The following GCNA variants were observed in gnomAD, a reference collection of about 807,000 sequenced individuals.
GCNA encodes germ cell nuclear acidic peptidase, also known as germ cell nuclear acidic protein.
Under a neutral mutation model 38.8 loss-of-function variants are expected in GCNA, and 3 were observed. The ratio of observed to expected loss-of-function variants is 0.08; its 90% confidence interval spans 0.04 to 0.20. The LOEUF is 0.20. GCNA is among the 10% of genes least tolerant of loss of function. The pLI, the probability that GCNA is intolerant of heterozygous loss-of-function variation, is 1.00. For synonymous variants in GCNA, 195 were observed against 240.2 expected, an observed-to-expected ratio of 0.81 and a Z score of 1.74; for missense variants, 446 against 578.6, an observed-to-expected ratio of 0.77 and a Z score of 2.35.
intron 2 of GCNA, among the ~76,000 whole-genome samples, chrX:71,590,073 C>T (rs1013564459): frequency 5.4e-5 from 6 of 111,399 alleles, no homozygotes; most frequent in Admixed American, 4.8e-4. Context: ...CAGCCACCTG[C>T]GTATATTTTC....
intron 7 of GCNA, among the ~76,000 whole-genome samples, chrX:71,600,680 A>G (rs768966234): frequency 8.9e-6 from 1 of 112,060 alleles, no homozygotes; most frequent in South Asian, 3.7e-4. Context: ...TTTTTAAAAA[A>G]TAATTTTTCA....
At chrX:71,580,905 C>G (rs1455460985) in intron 2 of GCNA, 25 bp downstream of exon 2, 1 of 1,174,416 alleles carries the variant, frequency 8.5e-7, no homozygotes, top group East Asian at 3.1e-5. Flanking sequence ...GTTCTGTTTT[C>G]TTTTAGTTTA....
intron 2 of GCNA, among the ~76,000 whole-genome samples, chrX:71,589,894 C>T (rs1448384981): frequency 9.1e-6 from 1 of 110,365 alleles, no homozygotes; most frequent in Non-Finnish European, 1.9e-5. Flanking sequence ...CTCACTGCAG[C>T]CCCGACCTCT....
chrX:71,594,211 C>T (rs2040652416), intron 4 of GCNA, 120 bp from the exon 5 acceptor site: 1 of 620,749 alleles, frequency 1.6e-6, no homozygotes, highest in African/African-American at 2.3e-5. Context: ...CCCTTAAAAC[C>T]TTTTTGCATT....
chrX:71,600,640 T>C (rs780473859), intron 7 of GCNA, among the ~76,000 whole-genome samples: 1 of 111,836 alleles, frequency 8.9e-6, no homozygotes, highest in South Asian at 3.7e-4. Context: ...AAATAAAAAA[T>C]AGGGGAAAAA....
chrX:71,579,640 C>T (rs1290783192), intron 1 of GCNA, among the ~76,000 whole-genome samples: 1 of 104,693 alleles, frequency 9.6e-6, no homozygotes, highest in Non-Finnish European at 2.0e-5. Context: ...GGGTTGAGGT[C>T]TCTTTGGCTG....
Position 71,612,971 on chromosome X carries a change from C to T in GCNA, c.2065C>T (p.Pro689Ser), listed in dbSNP as rs1046822435. 6.6e-6 allele frequency: 8 copies of T among 1,211,383 alleles called. No individual in the cohort carries two copies. Among genetic ancestry groups the T allele is most frequent in the Non-Finnish European group, 8.9e-6 (8 of 895,396 alleles). The change falls in exon 13 of 13, where the codon CCC (proline) becomes TCC (serine). Residue 689 changes from proline (P) to serine (S), a missense_variant. Transcript: ENST00000373696. ...TCAGAAAGATGGGACCCGTATTGTG[C>T]CCCACGTGTGACCATTTGCTGTGTA... ...LTQKDGTRIV[P>S]HV
intron 2 of GCNA, among the ~76,000 whole-genome samples, chrX:71,589,835 G>C (rs1055957473): frequency 9.1e-6 from 1 of 109,474 alleles, no homozygotes; most frequent in African/African-American, 3.3e-5. Flanking sequence ...TTTTAAGACA[G>C]GGTCTCACTC....
rs762681550 is a variant in GCNA at position 71,588,955 on chromosome X, A to G, written c.60-3167A>G. ...CAGTGATGCCATCATAGCTCATTGCAGCCTCGAACTCTTGGGCTCAAGGGA... is the reference window on the plus strand; with the variant it reads ...CAGTGATGCCATCATAGCTCATTGCGGCCTCGAACTCTTGGGCTCAAGGGA... On this transcript the variant is annotated intron_variant, in intron 2 of 12. Coordinates refer to ENST00000373696, the MANE Select transcript of GCNA (RefSeq NM_052957.5). Among the ~76,000 whole-genome samples, 8 of 103,251 alleles carry G rather than the reference A, an allele frequency of 7.7e-5. No homozygotes were observed. In the South Asian group the frequency reaches 3.5e-3, roughly 46 times the overall value. 89.7% of individuals were successfully genotyped at this position (103,251 alleles called of 115,157 possible). A position where few individuals can be genotyped will look rare whatever the true frequency, so the allele number is the denominator to read the frequency against.
intron 7 of GCNA, among the ~76,000 whole-genome samples, chrX:71,600,628 T>C (rs1054468715): frequency 8.9e-6 from 1 of 111,970 alleles, no homozygotes; most frequent in Non-Finnish European, 1.9e-5. Context: ...CTGCTCTCAG[T>C]GAAATAAAAA....
At chrX:71,609,553 G>A (rs757288240) in intron 10 of GCNA, among the ~76,000 whole-genome samples, 3 of 112,169 alleles carry the variant, frequency 2.7e-5, no homozygotes, top group Non-Finnish European at 5.6e-5. Flanking sequence ...TCTGTAAAAT[G>A]GGGACAACAC....
At chrX:71,598,318 G>A (rs772555601) in intron 7 of GCNA, among the ~76,000 whole-genome samples, 23 of 111,566 alleles carry the variant, frequency 2.1e-4, no homozygotes, top group African/African-American at 7.5e-4. Flanking sequence ...AGCGGGGTAG[G>A]GGTGGTGGGT....
rs767117025 is a variant in GCNA at position 71,589,189 on chromosome X, A to T, written c.60-2933A>T. ...GTTTTTGAGGTTTGTTTTTTTTTTT[A>T]AATGTATCTTTAAAGCCTTCCAATG... On this transcript the variant is annotated intron_variant, in intron 2 of 12. Transcript: ENST00000373696. 1.9e-4 allele frequency among the ~76,000 whole-genome samples: 21 copies of T among 108,357 alleles called. No homozygotes were observed. The East Asian group carries it at 3.2e-3, about 16-fold the overall frequency. 94.1% of individuals were successfully genotyped at this position (108,357 alleles called of 115,157 possible).
At chrX:71,597,571 C>T (rs2040681059) in intron 6 of GCNA, among the ~76,000 whole-genome samples, 1 of 111,322 alleles carries the variant, frequency 9.0e-6, no homozygotes, top group Non-Finnish European at 1.9e-5. Flanking sequence ...CCATCTGTGG[C>T]CCTCTACCCT....
At chrX:71,604,824 GCAA>G in intron 8 of GCNA, 148 bp downstream of exon 8, 1 of 811,919 alleles carries the variant, frequency 1.2e-6, no homozygotes, top group African/African-American at 2.1e-5. Context: ...CCATCCCAGT[GCAA>G]GGATGGTTCT....
intron 11 of GCNA, among the ~76,000 whole-genome samples, chrX:71,612,110 TAAA>T: frequency 1.3e-5 from 1 of 77,437 alleles, no homozygotes; most frequent in Admixed American, 1.4e-4. Context: ...CCGTCTCTAC[TAAA>T]AAAAAAAAAA....
Position 71,595,874 on chromosome X carries a change from G to A in GCNA, c.221+1095G>A, listed in dbSNP as rs753405014. 3.6e-5 allele frequency among the ~76,000 whole-genome samples: 4 copies of A among 112,053 alleles called. No homozygotes were observed. In the South Asian group the frequency reaches 1.5e-3, roughly 41 times the overall value. On this transcript the variant is annotated intron_variant, in intron 6 of 12. Transcript: ENST00000373696. Reference sequence around the variant, plus strand: ...TATCTCTATTGAGTATTTTCATAACGTGTAAGCCACCAACTCCTGACACCA... The same window carrying A: ...TATCTCTATTGAGTATTTTCATAACATGTAAGCCACCAACTCCTGACACCA...
At chrX:71,583,576 G>T (rs1002663048) in intron 2 of GCNA, among the ~76,000 whole-genome samples, 1 of 110,203 alleles carries the variant, frequency 9.1e-6, no homozygotes, top group Non-Finnish European at 1.9e-5. Flanking sequence ...TTACCTATTA[G>T]CAAATTTTAA....
chrX:71,598,107 G>T, intron 7 of GCNA, 69 bp downstream of exon 7: 1 of 807,250 alleles, frequency 1.2e-6, no homozygotes, highest in East Asian at 3.3e-5. Flanking sequence ...GTACTTTCAG[G>T]ATCAGAGTCC....
Sources: gnomAD v4.1 joint callset for allele counts (sites outside exome capture counted in the v4.1 genomes callset) on GRCh38, gnomAD v4.1.1 for gene constraint, MANE v1.5 for transcripts, NCBI Gene and HGNC (gene_info 2026-07-23, HGNC 2026-07-21) for gene names.